The following ZNF536 variants were observed in gnomAD, a reference collection of about 807,000 sequenced individuals.
The protein encoded by ZNF536 is zinc finger protein 536.
ZNF536 carries 13 observed loss-of-function variants against 84.5 expected under a neutral mutation model. The ratio of observed to expected loss-of-function variants is 0.15; its 90% CI spans 0.10 to 0.24. The LOEUF (loss-of-function observed/expected upper bound fraction) is 0.24, where lower values mean the gene tolerates loss of function less well. Ranked by LOEUF, ZNF536 falls within the 10% of genes least tolerant of loss-of-function variation. The pLI is 1.00. For missense variants in ZNF536, 1,536 were observed against 1,747.5 expected (o/e 0.88, Z 2.16); for synonymous variants, 811 against 742.5 (o/e 1.09, Z -1.50).
intron 1 of ZNF536, among the ~76,000 whole-genome samples, chr19:30,599,484 C>CTTCCTTCCTTCTT (rs1362250664): frequency 2.3e-3 from 31 of 13,374 alleles, no homozygotes; most frequent in African/African-American, 6.2e-3. Context: ...CCTTCCTTCC[C>CTTCCTTCCTTCTT]TCCTTCCTTC....
At chr19:30,325,424 G>A (rs2046992351) in intron 2 of ZNF536, among the ~76,000 whole-genome samples, 2 of 152,162 alleles carry the variant, frequency 1.3e-5, no homozygotes, top group African/African-American at 4.8e-5. Context: ...TTTGGTGGTG[G>A]GCTTCTCTGA....
At chr19:30,451,795 C>A (rs565241293) in intron 2 of ZNF536, among the ~76,000 whole-genome samples, 86 of 152,308 alleles carry the variant, frequency 5.6e-4, no homozygotes, top group African/African-American at 2.0e-3. Flanking sequence ...CTCCTGCCCA[C>A]GGAGCTTCTG....
intron 1 of ZNF536, among the ~76,000 whole-genome samples, chr19:30,685,746 C>T (rs986328286): frequency 1.3e-5 from 2 of 152,112 alleles, no homozygotes; most frequent in Non-Finnish European, 2.9e-5. Context: ...ATGGGGGCAC[C>T]GTCCCAGCCG....
chr19:30,283,742 G>GAGAGA (rs1568303082), intron 1 of ZNF536, among the ~76,000 whole-genome samples: 4 of 146,650 alleles, frequency 2.7e-5, no homozygotes, highest in African/African-American at 7.5e-5. Context: ...AGAGAGAGAG[G>GAGAGA]GAGAGAGAGA....
intron 1 of ZNF536, among the ~76,000 whole-genome samples, chr19:30,690,773 T>C (rs188265717): frequency 2.4e-4 from 36 of 152,302 alleles, no homozygotes; most frequent in African/African-American, 8.4e-4. Context: ...TAATTGGGAC[T>C]TACCTTACAA....
intron 2 of ZNF536, among the ~76,000 whole-genome samples, chr19:30,462,703 G>A (rs1005370349): frequency 1.3e-5 from 2 of 151,398 alleles, no homozygotes; most frequent in African/African-American, 4.9e-5. Context: ...AAGGATGTGT[G>A]TGTTGTGATG....
intron 1 of ZNF536, among the ~76,000 whole-genome samples, chr19:30,686,238 C>G (rs909442248): frequency 6.6e-6 from 1 of 152,100 alleles, no homozygotes; most frequent in Non-Finnish European, 1.5e-5. Context: ...CGAGCACCCC[C>G]CAACTCCCAG....
rs146186742 is a variant in ZNF536 at position 30,528,295 on chromosome 19, G to A, written c.2171-6552G>A. 1.2e-4 allele frequency among the ~76,000 whole-genome samples: 18 copies of A among 152,208 alleles called. No homozygotes were observed. The East Asian group carries it at 3.1e-3, about 26-fold the overall frequency. Reference sequence around the variant, plus strand: ...GCATCTGAAGGGTAAGGCTGCCAGCGAGTTGGGATGAAGCGAGAACCAAGA... The same window carrying A: ...GCATCTGAAGGGTAAGGCTGCCAGCAAGTTGGGATGAAGCGAGAACCAAGA... On this transcript the variant is annotated intron_variant, in intron 2 of 4. Coordinates refer to ENST00000355537, the MANE Select transcript of ZNF536 (RefSeq NM_014717.3).
At chr19:30,436,065 T>C (rs1314368033) in intron 1 of ZNF536, among the ~76,000 whole-genome samples, 1 of 152,142 alleles carries the variant, frequency 6.6e-6, no homozygotes, top group African/African-American at 2.4e-5. Flanking sequence ...GGAAGCTGCC[T>C]GGGGCTCCAT....
intron 1 of ZNF536, among the ~76,000 whole-genome samples, chr19:30,704,203 C>T (rs1456313441): frequency 6.6e-6 from 1 of 152,188 alleles, no homozygotes; most frequent in Non-Finnish European, 1.5e-5. Flanking sequence ...CAATGGAAGC[C>T]TGCTTGACCC....
At chr19:30,532,709 G>A (rs1054246645) in intron 2 of ZNF536, among the ~76,000 whole-genome samples, 1 of 152,168 alleles carries the variant, frequency 6.6e-6, no homozygotes, top group African/African-American at 2.4e-5. Context: ...GTGGGAGAAG[G>A]GTAGAAGGAG....
chr19:30,557,373 A>G lies in ZNF536; in HGVS notation c.*209A>G, dbSNP rs149414835. 1,898 of 476,078 alleles carry G rather than the reference A, an allele frequency of 4.0e-3. 14 individuals are homozygous for G. Among genetic ancestry groups the G allele is most frequent in the African/African-American group, 0.02 (998 of 50,440 alleles). 29.5% of individuals were successfully genotyped at this position (476,078 alleles called of 1,614,324 possible). The stretch of plus-strand genomic sequence containing the variant: ...CAGAGAATCAGAGGCTAAAAATATT[A>G]CCCCATATGTTCCAGTATTAGTCAT... On this transcript the variant is annotated 3_prime_UTR_variant, in exon 5 of 5. Coordinates refer to ENST00000355537, the MANE Select transcript of ZNF536 (RefSeq NM_014717.3).
Position 30,549,113 on chromosome 19 carries a change from C to G in ZNF536, c.3494C>G (p.Ala1165Gly), listed in dbSNP as rs1446333389. The change falls in exon 4 of 5, where the codon GCC becomes GGC. Residue 1165 changes from alanine (A) to glycine (G), a missense_variant. By Grantham distance (60) the Ala-to-Gly change is moderately conservative. Transcript: ENST00000355537. ...KNTTDDLSDI[A>G]SSEDMDSSKG... The stretch of plus-strand genomic sequence containing the variant: ...ACTACTGATGACCTCTCTGACATTG[C>G]CTCCTCAGAGGACATGGACTCCTCC... 2 of 1,614,166 alleles carry G rather than the reference C, an allele frequency of 1.2e-6. No homozygotes were observed. The highest frequency in any genetic ancestry group is 1.7e-6 in the Non-Finnish European group (2 of 1,180,056).
At chr19:30,677,265 G>C (rs1429222011) in intron 1 of ZNF536, among the ~76,000 whole-genome samples, 1 of 152,154 alleles carries the variant, frequency 6.6e-6, no homozygotes, top group East Asian at 1.9e-4. Context: ...TGGTTTTCTT[G>C]GTTACCTCAG....
chr19:30,263,760 C>T (rs999992775), intron 1 of ZNF536, among the ~76,000 whole-genome samples: 1 of 151,964 alleles, frequency 6.6e-6, no homozygotes, highest in Non-Finnish European at 1.5e-5. Flanking sequence ...AATCAGACCC[C>T]GCGTTTCCAT....
At chr19:30,614,176 A>T (rs1461522012) in intron 1 of ZNF536, among the ~76,000 whole-genome samples, 1 of 152,004 alleles carries the variant, frequency 6.6e-6, no homozygotes, top group Non-Finnish European at 1.5e-5. Flanking sequence ...TTGGTTTTTC[A>T]TCTGTATATT....
At chr19:30,636,180 G>T (rs1675304075) in intron 1 of ZNF536, among the ~76,000 whole-genome samples, 1 of 152,196 alleles carries the variant, frequency 6.6e-6, no homozygotes. Context: ...CACCTAACAG[G>T]AGCTGGCTTT....
intron 1 of ZNF536, among the ~76,000 whole-genome samples, chr19:30,442,603 G>C (rs1174134435): frequency 6.6e-6 from 1 of 152,144 alleles, no homozygotes; most frequent in Non-Finnish European, 1.5e-5. Context: ...CCATTATAAG[G>C]TATCGGTGTT....
At chr19:30,651,663 A>G (rs1480940636) in intron 1 of ZNF536, among the ~76,000 whole-genome samples, 7 of 152,330 alleles carry the variant, frequency 4.6e-5, no homozygotes, top group African/African-American at 1.7e-4. Context: ...TAAAGATGCC[A>G]TATTTTCAGA....
Sources: gnomAD v4.1 joint callset for allele counts (sites outside exome capture counted in the v4.1 genomes callset) on GRCh38, gnomAD v4.1.1 for gene constraint, MANE v1.5 for transcripts, NCBI Gene and HGNC (gene_info 2026-07-23, HGNC 2026-07-21) for gene names.